Variants in CCNH observed in about 807,000 individuals in gnomAD.
CCNH encodes the protein cyclin H.
CCNH carries 31 observed loss-of-function variants against 41.9 expected under a neutral mutation model. That is an observed-to-expected ratio of 0.74 (90% confidence interval 0.56 to 1.00). CCNH has a LOEUF of 1.00. Ranked by LOEUF, CCNH falls within the 50% of genes least tolerant of loss-of-function variation. The probability of loss-of-function intolerance (pLI) is 0.00; values close to 1 mark genes in which losing one functional copy is unlikely to be tolerated. For synonymous variants in CCNH, 138 were observed against 136.1 expected, an observed-to-expected ratio of 1.01 and a Z score of -0.10; for missense variants, 362 against 388.4, an observed-to-expected ratio of 0.93 and a Z score of 0.57.
chr5:87,382,950 A>G (rs1432886965), intron 9 of CCNH, among the ~76,000 whole-genome samples: 1 of 151,390 alleles, frequency 6.6e-6, no homozygotes, highest in Non-Finnish European at 1.5e-5. Flanking sequence ...AAAAATTGCC[A>G]GGTATGGTGA....
rs146974076 is a variant in CCNH at position 87,411,373 on chromosome 5, T to C, written c.118-27A>G. The C allele has an allele frequency of 4.7e-3, 7,369 of 1,565,372 alleles. 37 individuals carry two copies. Among genetic ancestry groups the C allele is most frequent in the Non-Finnish European group, 5.3e-3 (6,112 of 1,158,194 alleles). On this transcript the variant is annotated intron_variant, in intron 1 of 8. Transcript: ENST00000256897. Reference sequence around the variant, plus strand: ...TTTAGATCAACAATTACAACACAAGTTCAATGAATTCAATGAATTAAACAA... The same window carrying C: ...TTTAGATCAACAATTACAACACAAGCTCAATGAATTCAATGAATTAAACAA...
exon 1 of CCNH, chr5:87,376,832 T>A: frequency 6.6e-7 from 1 of 1,522,524 alleles, no homozygotes; most frequent in African/African-American, 1.4e-5. Flanking sequence ...TCATGGAGCA[T>A]GCTTATAATG....
chr5:87,410,748 A>C (rs1265262980), intron 2 of CCNH, among the ~76,000 whole-genome samples: 4 of 152,146 alleles, frequency 2.6e-5, no homozygotes, highest in Admixed American at 2.6e-4. Flanking sequence ...CTGAAACAAT[A>C]AGGCAATCTT....
intron 9 of CCNH, among the ~76,000 whole-genome samples, chr5:87,347,795 A>G (rs976807092): frequency 1.3e-5 from 2 of 152,042 alleles, no homozygotes; most frequent in Non-Finnish European, 2.9e-5. Context: ...TCTGTCAGCT[A>G]TTTCAGTGTG....
chr5:87,343,743 C>A (rs143430652), intron 9 of CCNH, among the ~76,000 whole-genome samples: 1,726 of 152,266 alleles, frequency 0.011, 15 homozygotes, highest in Middle Eastern at 0.027. Context: ...GAAAGGAAAT[C>A]AGTGTATCAA....
At chr5:87,391,334 C>G, downstream of CCNH, 2 of 302,884 alleles carry the variant, frequency 6.6e-6, no homozygotes, top group Admixed American at 4.6e-5. Flanking sequence ...TAACTACTTC[C>G]TGATTAGGAA....
chr5:87,395,298 T>G (rs562719771), intron 7 of CCNH, among the ~76,000 whole-genome samples, 194 bp from the exon 8 acceptor site: 1 of 152,264 alleles, frequency 6.6e-6, no homozygotes, highest in East Asian at 1.9e-4. Context: ...TAAATGCAAT[T>G]CTAATTAAAA....
chr5:87,358,921 T>C lies in CCNH; in HGVS notation c.*90+33849A>G, dbSNP rs147447764. The stretch of plus-strand genomic sequence containing the variant: ...GCCTCACTCTTACATCTTTCAAGTT[T>C]TTGCTCAAAATTTAGCAAATTAGCA... On this transcript the variant is annotated intron_variant and NMD_transcript_variant, in intron 9 of 9. Coordinates refer to the CCNH transcript ENST00000645953. 2.6e-3 allele frequency among the ~76,000 whole-genome samples: 386 copies of C among 150,584 alleles called. 1 individual carries two copies. The highest frequency in any genetic ancestry group is 8.9e-3 in the African/African-American group (364 of 40,832).
At chr5:87,340,178 A>G (rs1198019297) in intron 9 of CCNH, among the ~76,000 whole-genome samples, 1 of 152,062 alleles carries the variant, frequency 6.6e-6, no homozygotes, top group Non-Finnish European at 1.5e-5. Flanking sequence ...GCCCTGATAG[A>G]TTGCCTTGTA....
intron 6 of CCNH, among the ~76,000 whole-genome samples, chr5:87,401,059 G>A (rs776589287): frequency 6.6e-6 from 1 of 152,180 alleles, no homozygotes; most frequent in Non-Finnish European, 1.5e-5. Context: ...TTAAAACAAC[G>A]GAAGTGTATT....
chr5:87,378,161 G>A (rs1761450586), upstream of CCNH, among the ~76,000 whole-genome samples: 1 of 152,234 alleles, frequency 6.6e-6, no homozygotes, highest in South Asian at 2.1e-4. Flanking sequence ...ATATGAACAT[G>A]GCAGTGTTAA....
At chr5:87,372,301 A>G (rs2112480426), downstream of CCNH, 1 of 1,013,752 alleles carries the variant, frequency 9.9e-7, no homozygotes, top group East Asian at 2.6e-5. Flanking sequence ...TATGGGGTTA[A>G]GCCATGCTGC....
downstream of CCNH, chr5:87,386,707 A>T (rs539621942): frequency 1.5e-5 from 12 of 806,968 alleles, no homozygotes; most frequent in Non-Finnish European, 1.9e-5. Flanking sequence ...TTGCTATATT[A>T]ATTTGGTGCA....
At chr5:87,374,432 G>A (rs1322808889), downstream of CCNH, 2 of 607,836 alleles carry the variant, frequency 3.3e-6, no homozygotes, top group Non-Finnish European at 5.3e-6. Context: ...ATATCCAGGT[G>A]TTCTAATAGC....
chr5:87,391,219 G>A (rs958450977), downstream of CCNH: 1 of 437,448 alleles, frequency 2.3e-6, no homozygotes, highest in Non-Finnish European at 4.2e-6. Flanking sequence ...ACACCCAGTT[G>A]CCAAAGTTTT....
intron 9 of CCNH, among the ~76,000 whole-genome samples, chr5:87,384,820 A>G (rs895679990): frequency 6.6e-6 from 1 of 152,082 alleles, no homozygotes; most frequent in Non-Finnish European, 1.5e-5. Flanking sequence ...TTCTCCTCAA[A>G]ATAAAGCAGA....
the CCNH span, among the ~76,000 whole-genome samples, chr5:87,311,698 C>T: frequency 2.0e-5 from 3 of 152,168 alleles, no homozygotes; most frequent in Non-Finnish European, 4.4e-5. Flanking sequence ...TCTTGGTGTC[C>T]AGGGATCTTT....
intron 9 of CCNH, chr5:87,332,390 A>G: frequency 9.5e-7 from 1 of 1,057,426 alleles, no homozygotes; most frequent in Non-Finnish European, 1.4e-6. Flanking sequence ...TAGTATAAGG[A>G]TATAGTTACA....
downstream of CCNH, chr5:87,391,148 C>T: frequency 1.8e-6 from 1 of 569,180 alleles, no homozygotes; most frequent in East Asian, 2.9e-5. Flanking sequence ...GACCACCTTT[C>T]ACAAAACGAA....
Sources: allele counts gnomAD v4.1 joint callset (sites outside exome capture counted in the v4.1 genomes callset), GRCh38; gene constraint gnomAD v4.1.1; transcripts MANE v1.5; gene names NCBI Gene and HGNC (gene_info 2026-07-23, HGNC 2026-07-21).